The following COL5A1 variants were observed in gnomAD, a reference collection of about 807,000 sequenced individuals.
The protein encoded by COL5A1 is collagen type V alpha 1 chain, also known as collagen alpha-1(V) chain.
Under a neutral mutation model 263.7 loss-of-function variants are expected in COL5A1, and 16 were observed. That is an observed-to-expected ratio of 0.06 (90% confidence interval 0.04 to 0.09). The LOEUF (loss-of-function observed/expected upper bound fraction) is 0.09. Among genes scored for constraint, COL5A1 ranks in the 10% least tolerant of loss-of-function variants. The probability of loss-of-function intolerance (pLI) is 1.00; values close to 1 mark genes in which losing one functional copy is unlikely to be tolerated. For missense variants in COL5A1, 2,036 were observed against 2,540.5 expected (o/e 0.80, Z 4.27); for synonymous variants, 1,012 against 1,004.5 (o/e 1.01, Z -0.14).
Position 134,756,778 on chromosome 9 carries a change from G to C in COL5A1, c.1841G>C (p.Ser614Thr). ...GKPGRRGRAG[S>T]DGARGMPGQT... ...CCTTTGTTCCAGGGTCGGGCTGGGA[G>C]TGATGGAGCCAGAGGAATGCCTGGA... The change falls in exon 17 of 66, where the codon AGT (serine) becomes ACT (threonine). Residue 614 changes from serine (S) to threonine (T), a missense_variant. Ser to Thr is a moderately conservative substitution (Grantham distance 58). Coordinates refer to ENST00000371817, the MANE Select transcript of COL5A1 (RefSeq NM_000093.5). 1.2e-6 allele frequency: 2 copies of C among 1,614,110 alleles called. No individual in the cohort carries two copies. Among genetic ancestry groups the C allele is most frequent in the Non-Finnish European group, 1.7e-6 (2 of 1,180,034 alleles).
intron 11 of COL5A1, among the ~76,000 whole-genome samples, chr9:134,739,417 G>A (rs1169548373): frequency 1.3e-5 from 2 of 152,244 alleles, no homozygotes; most frequent in Non-Finnish European, 2.9e-5. Flanking sequence ...GAAGGACTAA[G>A]AACTGATTCC....
chr9:134,792,106 C>T (rs779563190), intron 32 of COL5A1, among the ~76,000 whole-genome samples: 27 of 151,622 alleles, frequency 1.8e-4, no homozygotes, highest in Non-Finnish European at 3.5e-4. Flanking sequence ...GGTGAGGAGC[C>T]GGGGGCCGGC....
chr9:134,641,806 C>T lies in COL5A1; in HGVS notation c.-382C>T, dbSNP rs555826102. 2.6e-6 allele frequency: 1 copy of T among 385,494 alleles called. No homozygotes were observed. The highest frequency in any genetic ancestry group is 3.7e-5 in the East Asian group (1 of 27,272). The allele number at this position is 385,494 out of a possible 1,614,324, so 23.9% of individuals were successfully genotyped here. On this transcript the variant is annotated 5_prime_UTR_variant, in exon 1 of 66. Transcript: ENST00000371817. ...AGTGCTCCGCGCCGAAGGCGAGGTCCGCACTCTCCGTCCCCGCGGCTGGCG... is the reference window on the plus strand; with the variant it reads ...AGTGCTCCGCGCCGAAGGCGAGGTCTGCACTCTCCGTCCCCGCGGCTGGCG...
intron 15 of COL5A1, 52 bp downstream of exon 15, chr9:134,753,955 C>T (rs377249078): frequency 5.7e-5 from 85 of 1,488,194 alleles, no homozygotes; most frequent in African/African-American, 6.9e-5. Flanking sequence ...CGTTCTCCGG[C>T]GGCAGCGACG....
chr9:134,761,806 G>A, intron 18 of COL5A1, 119 bp from the exon 19 acceptor site: 1 of 1,009,656 alleles, frequency 9.9e-7, no homozygotes, highest in Non-Finnish European at 1.6e-6. Flanking sequence ...CATTCTGGAA[G>A]GGTCTTTTGA....
intron 11 of COL5A1, among the ~76,000 whole-genome samples, chr9:134,748,113 A>G (rs117032559): frequency 3.3e-4 from 26 of 79,516 alleles, no homozygotes; most frequent in Non-Finnish European, 5.0e-4. Context: ...ACACATGCAT[A>G]CACAGACATG....
At chr9:134,812,848 C>A in intron 48 of COL5A1, 136 bp downstream of exon 48, 1 of 722,762 alleles carries the variant, frequency 1.4e-6, no homozygotes. Context: ...GTGTGTGTAC[C>A]TCTCTGTGTG....
At chr9:134,711,681 G>T (rs920098107) in intron 4 of COL5A1, among the ~76,000 whole-genome samples, 20 of 152,112 alleles carry the variant, frequency 1.3e-4, no homozygotes, top group African/African-American at 4.1e-4. Flanking sequence ...GATCTTTCTG[G>T]GTTAAGAGTT....
chr9:134,842,440 G>A lies in COL5A1; in HGVS notation c.*137G>A, dbSNP rs1437372972. ...TCCCACCTGACTTCATCTACGCCTCGGCACCACGGGGTGTGGGACCCCAGC... is the reference window on the plus strand; with the variant it reads ...TCCCACCTGACTTCATCTACGCCTCAGCACCACGGGGTGTGGGACCCCAGC... On this transcript the variant is annotated 3_prime_UTR_variant, in exon 66 of 66. Coordinates refer to ENST00000371817, the MANE Select transcript of COL5A1 (RefSeq NM_000093.5). This position sits in a 1 kb window ranked among gnomAD's most constrained non-coding sequence, Gnocchi z 5.8. 12 of 1,062,426 alleles carry A rather than the reference G, an allele frequency of 1.1e-5. No individual in the cohort carries two copies. The highest frequency in any genetic ancestry group is 2.0e-5 in the Admixed American group (1 of 49,104). 65.8% of individuals were successfully genotyped at this position (1,062,426 alleles called of 1,614,324 possible).
chr9:134,654,651 A>G (rs1588406843), intron 1 of COL5A1, among the ~76,000 whole-genome samples: 1 of 75,934 alleles, frequency 1.3e-5, no homozygotes. Flanking sequence ...GGAGGTGTGT[A>G]GGGCTGGTGT....
At chr9:134,772,980 G>T in intron 26 of COL5A1, 146 bp downstream of exon 26, 1 of 862,452 alleles carries the variant, frequency 1.2e-6, no homozygotes. Flanking sequence ...CTCCGCCAAG[G>T]GACCCAGCCT....
chr9:134,690,780 C>T, intron 1 of COL5A1, 132 bp from the exon 2 acceptor site: 1 of 1,132,622 alleles, frequency 8.8e-7, no homozygotes, highest in Non-Finnish European at 1.3e-6. Context: ...TAAGCTGGTC[C>T]TGGGGCTCTT....
chr9:134,654,392 G>C (rs1418209329), intron 1 of COL5A1, among the ~76,000 whole-genome samples: 13 of 125,052 alleles, frequency 1.0e-4, no homozygotes, highest in Admixed American at 8.8e-4. Flanking sequence ...AGTGCTGAGA[G>C]TGTGTAGGGC....
At chr9:134,829,630 A>G (rs13285745) in intron 63 of COL5A1, among the ~76,000 whole-genome samples, 2,401 of 102,292 alleles carry the variant, frequency 0.023, 31 homozygotes, top group African/African-American at 0.082. Flanking sequence ...CGCGGCCTCC[A>G]GTCTCCCCGA....
Position 134,824,607 on chromosome 9 carries a change from C to A in COL5A1, c.4706C>A (p.Pro1569Gln). The A allele has an allele frequency of 6.2e-7, 1 of 1,613,992 alleles. No individual in the cohort carries two copies. Among genetic ancestry groups the A allele is most frequent in the Non-Finnish European group, 8.5e-7 (1 of 1,180,010 alleles). The change falls in exon 62 of 66, where the codon CCG becomes CAG. Residue 1569 changes from proline (P) to glutamine (Q), a missense_variant. Pro to Gln is a moderately conservative substitution (Grantham distance 76). Around this residue, in one of 3 missense-constraint regions of COL5A1, gnomAD observed 358 missense variants for 384.6 expected, o/e 0.93. Coordinates refer to ENST00000371817, the MANE Select transcript of COL5A1 (RefSeq NM_000093.5). The part of the protein sequence containing the change: ...HPGPPGPPGP[P>Q]GEVIQPLPIQ... ...TCCTGTTCTGTCCCCCAGGGCCCCC[C>A]GGGAGAGGTCATCCAGCCCCTGCCA...
At chr9:134,725,530 C>T (rs1056096078) in intron 4 of COL5A1, among the ~76,000 whole-genome samples, 3 of 152,236 alleles carry the variant, frequency 2.0e-5, no homozygotes, top group African/African-American at 7.2e-5. Flanking sequence ...CTGTCATCTT[C>T]ATCTCTGCAG....
At chr9:134,777,188 G>A (rs1212810829) in intron 27 of COL5A1, among the ~76,000 whole-genome samples, 6 of 152,164 alleles carry the variant, frequency 3.9e-5, no homozygotes, top group African/African-American at 1.4e-4. Flanking sequence ...TCCACCCCTC[G>A]TTTAGCCCCC....
At chr9:134,724,765 G>C (rs999720169) in intron 4 of COL5A1, among the ~76,000 whole-genome samples, 1 of 152,152 alleles carries the variant, frequency 6.6e-6, no homozygotes, top group African/African-American at 2.4e-5. Context: ...TCTTCAAGGC[G>C]GAGACAAAGC....
chr9:134,657,303 T>C (rs1319930986), intron 1 of COL5A1, among the ~76,000 whole-genome samples: 2 of 87,322 alleles, frequency 2.3e-5, no homozygotes, highest in African/African-American at 9.7e-5. Context: ...AGTTTATAGA[T>C]AATATGGGGG....
Sources: gnomAD v4.1 joint callset for allele counts (sites outside exome capture counted in the v4.1 genomes callset) on GRCh38, gnomAD v4.1.1 for gene constraint, gnomAD v4.1.1 regional missense constraint, Gnocchi (gnomAD v3.1) non-coding constraint, MANE v1.5 for transcripts, NCBI Gene and HGNC (gene_info 2026-07-23, HGNC 2026-07-21) for gene names.